Variants in SBF2 observed in about 807,000 individuals in gnomAD.
SBF2 encodes the protein SET binding factor 2, also known as myotubularin-related protein 13.
Under a neutral mutation model 225.2 loss-of-function variants are expected in SBF2, and 112 were observed. The observed-to-expected ratio is 0.50, with a 90% CI of 0.43 to 0.58. The LOEUF (loss-of-function observed/expected upper bound fraction) is 0.58. Among genes scored for constraint, SBF2 ranks in the 20% least tolerant of loss-of-function variants. SBF2 has a pLI of 0.00. For synonymous variants in SBF2, 763 were observed against 773.3 expected (o/e 0.99, Z 0.22); for missense variants, 1,996 against 2,206.2 (o/e 0.90, Z 1.91).
At chr11:10,075,916 C>T (rs1208053214) in intron 2 of SBF2, among the ~76,000 whole-genome samples, 9 of 149,710 alleles carry the variant, frequency 6.0e-5, no homozygotes, top group African/African-American at 9.8e-5. Flanking sequence ...TTTTTTTCTG[C>T]GAGTTGGCAA....
At chr11:10,107,585 G>C (rs114718217) in intron 2 of SBF2, among the ~76,000 whole-genome samples, 1 of 152,126 alleles carries the variant, frequency 6.6e-6, no homozygotes, top group Non-Finnish European at 1.5e-5. Context: ...GGCAGGATTG[G>C]TTCATTCTGG....
At chr11:10,209,052 G>T (rs147818213) in intron 1 of SBF2, among the ~76,000 whole-genome samples, 1 of 152,084 alleles carries the variant, frequency 6.6e-6, no homozygotes, top group African/African-American at 2.4e-5. Flanking sequence ...CAAGAAATTC[G>T]TATCTGTTGC....
chr11:9,823,666 G>A (rs1382039135), intron 28 of SBF2, among the ~76,000 whole-genome samples: 1 of 152,228 alleles, frequency 6.6e-6, no homozygotes, highest in Admixed American at 6.5e-5. Flanking sequence ...GCCCTGGCCA[G>A]TCTAAATGTG....
intron 3 of SBF2, among the ~76,000 whole-genome samples, chr11:10,037,798 G>A (rs1317264348): frequency 2.0e-5 from 3 of 151,944 alleles, no homozygotes; most frequent in South Asian, 2.1e-4. Flanking sequence ...AAAAATGATT[G>A]GGTTGTAGTA....
At chr11:9,968,663 T>A (rs1867125455) in intron 13 of SBF2, 118 bp from the exon 14 acceptor site, 1 of 827,092 alleles carries the variant, frequency 1.2e-6, no homozygotes, top group Non-Finnish European at 2.1e-6. Flanking sequence ...CATTCATATA[T>A]ACGCCATAAA....
At chr11:10,270,810 G>A (rs954704460) in intron 1 of SBF2, among the ~76,000 whole-genome samples, 2 of 151,814 alleles carry the variant, frequency 1.3e-5, no homozygotes, top group Non-Finnish European at 2.9e-5. Flanking sequence ...TGGCTAACAC[G>A]CTGAAACCCC....
At chr11:10,298,804 C>T (rs767111166), upstream of SBF2, among the ~76,000 whole-genome samples, 13 of 152,248 alleles carry the variant, frequency 8.5e-5, no homozygotes, top group Non-Finnish European at 1.6e-4. Flanking sequence ...GTCCGCTTCT[C>T]TCCACCCTCA....
chr11:10,218,147 G>A (rs1457637123), intron 1 of SBF2, among the ~76,000 whole-genome samples: 4 of 152,192 alleles, frequency 2.6e-5, no homozygotes, highest in African/African-American at 9.6e-5. Flanking sequence ...TGATCCACCT[G>A]CCTCGGCCTC....
chr11:9,997,309 AG>A (rs1479705433), intron 9 of SBF2, among the ~76,000 whole-genome samples: 1 of 152,212 alleles, frequency 6.6e-6, no homozygotes, highest in East Asian at 1.9e-4. Context: ...AGCACCTAAA[AG>A]GCTATCAGTA....
At chr11:10,092,933 C>T (rs1465228832) in intron 2 of SBF2, among the ~76,000 whole-genome samples, 2 of 151,244 alleles carry the variant, frequency 1.3e-5, no homozygotes, top group South Asian at 2.1e-4. Context: ...TTTAGGAATG[C>T]CTTTTAGGAA....
chr11:9,842,513 CT>C, intron 25 of SBF2, 111 bp downstream of exon 25: 1 of 1,084,690 alleles, frequency 9.2e-7, no homozygotes, highest in Non-Finnish European at 1.4e-6. Flanking sequence ...CTTCCATCTT[CT>C]CATGAGATCT....
chr11:10,079,108 C>T (rs770100992), intron 2 of SBF2, among the ~76,000 whole-genome samples: 4 of 152,080 alleles, frequency 2.6e-5, no homozygotes, highest in Non-Finnish European at 5.9e-5. Context: ...GCGACTGTTA[C>T]CCCATATGCA....
At chr11:10,258,389 A>G (rs1046651329) in intron 1 of SBF2, among the ~76,000 whole-genome samples, 3 of 152,224 alleles carry the variant, frequency 2.0e-5, no homozygotes, top group African/African-American at 7.2e-5. Context: ...ATTTACAGGC[A>G]TAAGCCATTG....
intron 13 of SBF2, among the ~76,000 whole-genome samples, chr11:9,984,929 G>C (rs754596123): frequency 2.6e-5 from 4 of 152,082 alleles, no homozygotes; most frequent in Admixed American, 6.6e-5. Context: ...CTGCTAAAAG[G>C]AGCTCTAAAT....
At chr11:9,848,708 G>A (rs865970428) in intron 22 of SBF2, among the ~76,000 whole-genome samples, 13 of 152,298 alleles carry the variant, frequency 8.5e-5, no homozygotes, top group African/African-American at 3.1e-4. Flanking sequence ...TTAAAAATAC[G>A]TTTACTTTCA....
At chr11:10,203,947 A>C (rs1237214379) in intron 1 of SBF2, among the ~76,000 whole-genome samples, 2 of 152,024 alleles carry the variant, frequency 1.3e-5, no homozygotes, top group African/African-American at 4.8e-5. Flanking sequence ...GGGAATGGAG[A>C]TATATCTGAA....
At chr11:10,120,630 G>GT (rs892157265) in intron 2 of SBF2, among the ~76,000 whole-genome samples, 37 of 151,660 alleles carry the variant, frequency 2.4e-4, no homozygotes, top group African/African-American at 4.8e-4. Context: ...TTTTTCTTCT[G>GT]TTTTTTTTGA....
chr11:9,965,688 A>G (rs543078394), intron 14 of SBF2, among the ~76,000 whole-genome samples: 6 of 152,336 alleles, frequency 3.9e-5, no homozygotes, highest in African/African-American at 1.4e-4. Context: ...CTATGGTGAC[A>G]TCTTTCATAA....
At chr11:9,936,289 A>G (rs144282855) in intron 16 of SBF2, among the ~76,000 whole-genome samples, 2,159 of 152,334 alleles carry the variant, frequency 0.014, 51 homozygotes, top group African/African-American at 0.048. Context: ...TGATCTTTAA[A>G]AAGTCAGGAA....
Sources: gnomAD v4.1 joint callset for allele counts (sites outside exome capture counted in the v4.1 genomes callset) on GRCh38, gnomAD v4.1.1 for gene constraint, MANE v1.5 for transcripts, NCBI Gene and HGNC (gene_info 2026-07-23, HGNC 2026-07-21) for gene names.